RNF13: variants seen among roughly 807,000 people sequenced by gnomAD.
The protein encoded by RNF13 is E3 ubiquitin-protein ligase RNF13.
RNF13 carries 19 observed loss-of-function variants against 37.7 expected under a neutral mutation model. The observed-to-expected ratio is 0.50, with a 90% CI of 0.35 to 0.74. The LOEUF (loss-of-function observed/expected upper bound fraction) is 0.74, where lower values mean the gene tolerates loss of function less well. Ranked by LOEUF, RNF13 falls within the 30% of genes least tolerant of loss-of-function variation. RNF13 has a pLI of 0.01. For synonymous variants in RNF13, 144 were observed against 157.8 expected (o/e 0.91, Z 0.65); for missense variants, 375 against 453.0 (o/e 0.83, Z 1.56).
chr3:149,895,445 ATTTT>A (rs3856613), intron 4 of RNF13, 24 bp from the exon 5 acceptor site: 35,873 of 1,057,196 alleles, frequency 0.034, no homozygotes, highest in South Asian at 0.052. Context: ...TTATAACATA[ATTTT>A]TTTTTTTTTT....
At chr3:149,865,394 T>C (rs76899692) in intron 3 of RNF13, among the ~76,000 whole-genome samples, 1,821 of 150,200 alleles carry the variant, frequency 0.012, 31 homozygotes, top group African/African-American at 0.041. Flanking sequence ...TCATCACCAT[T>C]AATAGTAAAA....
At position 149,838,258 on chromosome 3, in the gene RNF13, T is replaced by C. The variant is rs1721830243; in HGVS notation, c.-16-7753T>C. On this transcript the variant is annotated intron_variant, in intron 1 of 9. Coordinates refer to ENST00000392894, the MANE Select transcript of RNF13 (RefSeq NM_183381.3). ...GCTTTTCCAGGTGCACGGTGCAAGT[T>C]GTTGGTGGATCTACTATTCTGGCGT... Among the ~76,000 whole-genome samples, 4 of 152,060 alleles carry C rather than the reference T, an allele frequency of 2.6e-5. No homozygotes were observed. In the South Asian group the frequency reaches 6.2e-4, roughly 24 times the overall value.
intron 1 of RNF13, among the ~76,000 whole-genome samples, chr3:149,814,786 C>T (rs1320216596): frequency 6.6e-6 from 1 of 152,136 alleles, no homozygotes; most frequent in South Asian, 2.1e-4. Flanking sequence ...AATTCTGTGA[C>T]ATTTTCCGTA....
chr3:149,854,626 C>A (rs1028627237), intron 3 of RNF13, among the ~76,000 whole-genome samples: 1 of 152,194 alleles, frequency 6.6e-6, no homozygotes, highest in Non-Finnish European at 1.5e-5. Flanking sequence ...AAACCCAGAA[C>A]CACCTTGCAG....
chr3:149,935,460 TTC>T (rs1719580866), intron 8 of RNF13, among the ~76,000 whole-genome samples: 1 of 152,172 alleles, frequency 6.6e-6, no homozygotes, highest in African/African-American at 2.4e-5. Flanking sequence ...TTTCTTTTCT[TTC>T]TTTCTCTTTC....
chr3:149,925,601 C>T (rs73868605), intron 8 of RNF13, among the ~76,000 whole-genome samples: 4,549 of 152,144 alleles, frequency 0.03, 81 homozygotes, highest in South Asian at 0.038. Flanking sequence ...ATTTTACTTA[C>T]CCACTTTACT....
At chr3:149,813,942 G>C (rs561883392) in intron 1 of RNF13, 1 of 152,320 alleles carries the variant, frequency 6.6e-6, no homozygotes, top group East Asian at 1.9e-4. Context: ...GAGAGAGTGG[G>C]CAGACATCGA....
chr3:149,836,461 A>G (rs1320670040), intron 1 of RNF13, among the ~76,000 whole-genome samples: 1 of 152,110 alleles, frequency 6.6e-6, no homozygotes, highest in Non-Finnish European at 1.5e-5. Context: ...ATATATGTCT[A>G]TCATAAAATA....
chr3:149,879,677 A>G (rs567600542), intron 4 of RNF13, among the ~76,000 whole-genome samples: 2 of 152,272 alleles, frequency 1.3e-5, no homozygotes, highest in East Asian at 3.9e-4. Context: ...CTTCATAATG[A>G]GAAAGCTCTA....
At chr3:149,915,179 G>C (rs2108524520) in intron 7 of RNF13, among the ~76,000 whole-genome samples, 1 of 152,124 alleles carries the variant, frequency 6.6e-6, no homozygotes. Context: ...AATATGCTTT[G>C]TAAATTTTGA....
At chr3:149,954,220 G>A (rs1380806275) in intron 8 of RNF13, among the ~76,000 whole-genome samples, 1 of 151,904 alleles carries the variant, frequency 6.6e-6, no homozygotes, top group Non-Finnish European at 1.5e-5. Flanking sequence ...ACCTTTGGTT[G>A]TTGCAATTTT....
intron 8 of RNF13, among the ~76,000 whole-genome samples, chr3:149,958,102 A>G (rs138291040): frequency 9.8e-5 from 15 of 152,372 alleles, no homozygotes; most frequent in African/African-American, 3.6e-4. Flanking sequence ...ATTCCAAATC[A>G]TCAAGTCTAT....
intron 3 of RNF13, among the ~76,000 whole-genome samples, chr3:149,871,444 T>C (rs1191117452): frequency 6.7e-6 from 1 of 149,878 alleles, no homozygotes; most frequent in Non-Finnish European, 1.5e-5. Flanking sequence ...CTTTTCAGTT[T>C]AGTGTATACA....
chr3:149,921,613 C>T (rs1463177110), intron 8 of RNF13, among the ~76,000 whole-genome samples: 1 of 152,146 alleles, frequency 6.6e-6, no homozygotes, highest in African/African-American at 2.4e-5. Flanking sequence ...CATCCATGTC[C>T]CTGCAAAGGA....
At position 149,961,196 on chromosome 3, in the gene RNF13, A is replaced by G. The variant is rs1722379168; in HGVS notation, c.*92A>G. On this transcript the variant is annotated 3_prime_UTR_variant, in exon 10 of 10. Transcript: ENST00000392894. ...GCTCCCTTCAAAGATTTCTGTAGAA[A>G]TAACTTATTTTTTAGTATTCTACAG... 3.4e-6 allele frequency: 4 copies of G among 1,170,334 alleles called. No individual in the cohort carries two copies. In the South Asian group the frequency reaches 4.5e-5, roughly 13 times the overall value. 72.5% of individuals were successfully genotyped at this position (1,170,334 alleles called of 1,614,324 possible). A position where few individuals can be genotyped will look rare whatever the true frequency, so the allele number is the denominator to read the frequency against.
chr3:149,829,395 C>T (rs922302899), intron 1 of RNF13, among the ~76,000 whole-genome samples: 10 of 152,014 alleles, frequency 6.6e-5, no homozygotes, highest in South Asian at 2.1e-4. Context: ...CCACTGCGCC[C>T]GGCCAGAAAA....
intron 8 of RNF13, among the ~76,000 whole-genome samples, chr3:149,930,251 C>T (rs934904488): frequency 1.3e-5 from 2 of 152,116 alleles, no homozygotes; most frequent in Admixed American, 6.6e-5. Context: ...TAAGTCTTAA[C>T]ATTGGGTAGT....
intron 3 of RNF13, among the ~76,000 whole-genome samples, chr3:149,859,639 C>G (rs1298486822): frequency 6.6e-6 from 1 of 152,058 alleles, no homozygotes; most frequent in African/African-American, 2.4e-5. Flanking sequence ...GTGGCTTTCT[C>G]AGTTCAATAT....
At chr3:149,889,286 A>AGTGCGCGT (rs1414977086) in intron 4 of RNF13, among the ~76,000 whole-genome samples, 1 of 45,338 alleles carries the variant, frequency 2.2e-5, no homozygotes, top group Non-Finnish European at 4.7e-5. Flanking sequence ...TCTGAATTTG[A>AGTGCGCGT]GTGTGCGTGT....
Sources: gnomAD v4.1 joint callset for allele counts (sites outside exome capture counted in the v4.1 genomes callset) on GRCh38, gnomAD v4.1.1 for gene constraint, MANE v1.5 for transcripts, NCBI Gene and HGNC (gene_info 2026-07-23, HGNC 2026-07-21) for gene names.